Variants in CBR4 observed in about 807,000 individuals in gnomAD.
The protein encoded by CBR4 is 3-oxoacyl-[acyl-carrier-protein] reductase.
In CBR4, 22 loss-of-function variants were observed where a neutral mutation model predicts 21.0. The observed-to-expected ratio is 1.05, with a 90% CI of 0.75 to 1.50. The LOEUF (loss-of-function observed/expected upper bound fraction) is 1.50. Ranked by LOEUF, CBR4 falls within the 40% of genes most tolerant of loss-of-function variation. CBR4 has a pLI of 0.00. For missense variants in CBR4, 302 were observed against 286.3 expected, an observed-to-expected ratio of 1.05 and a Z score of -0.40; for synonymous variants, 100 against 104.4, an observed-to-expected ratio of 0.96 and a Z score of 0.26.
intron 2 of CBR4, among the ~76,000 whole-genome samples, chr4:168,958,125 G>A (rs975420892): frequency 2.6e-5 from 4 of 152,098 alleles, no homozygotes; most frequent in African/African-American, 7.2e-5. Context: ...ACTAGCCAGC[G>A]TGGTGGTGAG....
chr4:168,954,396 G>GACAT (rs1238360002), intron 2 of CBR4, among the ~76,000 whole-genome samples: 1 of 152,150 alleles, frequency 6.6e-6, no homozygotes, highest in Non-Finnish European at 1.5e-5. Context: ...TGAAGGCTGA[G>GACAT]ACATAGTACC....
intron 2 of CBR4, among the ~76,000 whole-genome samples, chr4:168,901,804 G>A (rs1055183047): frequency 6.6e-6 from 1 of 152,146 alleles, no homozygotes; most frequent in African/African-American, 2.4e-5. Context: ...ATTGCAGTGA[G>A]CCAAGATCAC....
Position 168,989,814 on chromosome 4 carries a change from A to G in CBR4, c.*336T>C. ...GGTAAGTGATACACATCCTTTAGAA[A>G]ACACAATTTGTCTGGGGGGATGATT... On this transcript the variant is annotated 3_prime_UTR_variant, in exon 5 of 5. Transcript: ENST00000306193. 1 of 1,006,744 alleles carries G rather than the reference A, an allele frequency of 9.9e-7. No individual in the cohort carries two copies. The highest frequency in any genetic ancestry group is 9.7e-5 in the East Asian group (1 of 10,358). The allele number at this position is 1,006,744 out of a possible 1,614,324, so 62.4% of individuals were successfully genotyped here.
intron 2 of CBR4, among the ~76,000 whole-genome samples, chr4:168,916,281 G>A (rs551597541): frequency 1.1e-4 from 17 of 152,006 alleles, no homozygotes; most frequent in Admixed American, 5.2e-4. Flanking sequence ...GCGTGGTGGC[G>A]TGTGCCTATA....
intron 2 of CBR4, among the ~76,000 whole-genome samples, chr4:168,954,538 G>A (rs2126710465): frequency 6.6e-6 from 1 of 152,172 alleles, no homozygotes. Context: ...CTATCACAAT[G>A]GCAATTAAAT....
At chr4:168,958,057 T>C (rs956165148) in intron 2 of CBR4, among the ~76,000 whole-genome samples, 1 of 152,064 alleles carries the variant, frequency 6.6e-6, no homozygotes, top group African/African-American at 2.4e-5. Flanking sequence ...ACGAGGTCAA[T>C]AGTTCAAGAC....
intron 2 of CBR4, among the ~76,000 whole-genome samples, chr4:168,933,617 A>G (rs1449340457): frequency 6.6e-6 from 1 of 152,206 alleles, no homozygotes; most frequent in African/African-American, 2.4e-5. Flanking sequence ...TAGACAGAAA[A>G]TCAACAAAGA....
intron 2 of CBR4, among the ~76,000 whole-genome samples, chr4:168,948,382 T>C (rs764630102): frequency 1.3e-5 from 2 of 152,146 alleles, no homozygotes; most frequent in African/African-American, 2.4e-5. Flanking sequence ...AAGTCCCAGC[T>C]ATTTATCTTT....
intron 2 of CBR4, among the ~76,000 whole-genome samples, chr4:168,968,691 A>T (rs1764114647): frequency 6.6e-6 from 1 of 152,214 alleles, no homozygotes; most frequent in African/African-American, 2.4e-5. Context: ...TTGCAAGGAC[A>T]GTCTCATTAA....
Position 168,989,186 on chromosome 4 carries a change from T to A in CBR4, c.*964A>T, listed in dbSNP as rs1441674941. ...TTCTAGAATTTTGGGATAAGAATCA[T>A]AATCACTAATGCAAAATACTCTTAA... On this transcript the variant is annotated 3_prime_UTR_variant, in exon 5 of 5. Coordinates refer to ENST00000306193, the MANE Select transcript of CBR4 (RefSeq NM_032783.5). 1.0e-6 allele frequency: 1 copy of A among 967,684 alleles called. No individual in the cohort carries two copies. Among genetic ancestry groups the A allele is most frequent in the African/African-American group, 1.8e-5 (1 of 57,024 alleles). The allele number at this position is 967,684 out of a possible 1,614,324, so 59.9% of individuals were successfully genotyped here. A position where few individuals can be genotyped will look rare whatever the true frequency, so the allele number is the denominator to read the frequency against.
intron 2 of CBR4, among the ~76,000 whole-genome samples, chr4:168,956,981 A>G (rs1763707339): frequency 6.6e-6 from 1 of 152,230 alleles, no homozygotes; most frequent in Non-Finnish European, 1.5e-5. Flanking sequence ...AAATTCCAGT[A>G]AAGATATACA....
intron 2 of CBR4, chr4:168,926,432 G>T: frequency 7.4e-7 from 1 of 1,345,388 alleles, no homozygotes; most frequent in South Asian, 1.3e-5. Flanking sequence ...CCATTGCCTT[G>T]ACCAACATAT....
rs189576313 is a variant in CBR4 at position 168,936,919 on chromosome 4, T to G, written n.170-42154A>C. On this transcript the variant is annotated intron_variant and non_coding_transcript_variant, in intron 2 of 3. Transcript: ENST00000509108. Reference sequence around the variant, plus strand: ...TAGCAAGATAGGCCAACATTCAAATTCAGGAAATACAGAGAAAACAAAGAT... The same window carrying G: ...TAGCAAGATAGGCCAACATTCAAATGCAGGAAATACAGAGAAAACAAAGAT... 8.5e-4 allele frequency among the ~76,000 whole-genome samples: 129 copies of G among 152,116 alleles called. 1 individual carries two copies. The highest frequency in any genetic ancestry group is 1.5e-3 in the Non-Finnish European group (99 of 68,008).
At chr4:168,955,011 A>T (rs1763643707) in intron 2 of CBR4, among the ~76,000 whole-genome samples, 2 of 152,260 alleles carry the variant, frequency 1.3e-5, no homozygotes, top group Admixed American at 1.3e-4. Context: ...AATGAACAAG[A>T]AATAGAATTA....
intron 2 of CBR4, among the ~76,000 whole-genome samples, chr4:168,919,796 A>G (rs529000507): frequency 2.4e-4 from 37 of 152,272 alleles, no homozygotes; most frequent in African/African-American, 7.9e-4. Flanking sequence ...ATGTGTGCTG[A>G]GAGTACAGAT....
At chr4:168,952,917 C>T (rs1338062695) in intron 2 of CBR4, among the ~76,000 whole-genome samples, 1 of 152,208 alleles carries the variant, frequency 6.6e-6, no homozygotes, top group Middle Eastern at 3.2e-3. Context: ...TGGCTCTTTC[C>T]AGAGGGCATC....
At chr4:168,918,036 T>C (rs980653676) in intron 2 of CBR4, among the ~76,000 whole-genome samples, 8 of 151,828 alleles carry the variant, frequency 5.3e-5, no homozygotes, top group Non-Finnish European at 7.4e-5. Flanking sequence ...CCATCTCTAC[T>C]AAAAATGCTA....
intron 2 of CBR4, chr4:168,898,497 A>G: frequency 6.2e-7 from 1 of 1,608,494 alleles, no homozygotes; most frequent in East Asian, 2.2e-5. Context: ...ATTCAGGAAT[A>G]CAAAGTCTCC....
intron 2 of CBR4, among the ~76,000 whole-genome samples, chr4:168,901,100 C>T (rs1253716459): frequency 4.6e-5 from 7 of 152,208 alleles, no homozygotes; most frequent in African/African-American, 1.2e-4. Context: ...AAATGTTATT[C>T]TTTCATCCCT....
Sources: allele counts gnomAD v4.1 joint callset (sites outside exome capture counted in the v4.1 genomes callset), GRCh38; gene constraint gnomAD v4.1.1; transcripts MANE v1.5; gene names NCBI Gene and HGNC (gene_info 2026-07-23, HGNC 2026-07-21).